Variants in CHD1 observed in about 807,000 individuals in gnomAD.
CHD1 encodes chromodomain helicase DNA binding protein 1.
CHD1 carries 36 observed loss-of-function variants against 224.2 expected under a neutral mutation model. The ratio of observed to expected loss-of-function variants is 0.16; its 90% CI spans 0.12 to 0.21. CHD1 has a LOEUF of 0.21. Among genes scored for constraint, CHD1 ranks in the 10% least tolerant of loss-of-function variants. CHD1 has a pLI of 1.00. For synonymous variants in CHD1, 668 were observed against 658.3 expected (o/e 1.01, Z -0.23); for missense variants, 1,378 against 1,994.8 (o/e 0.69, Z 5.89).
chr5:98,867,383 T>C (rs1356980170), intron 31 of CHD1, among the ~76,000 whole-genome samples: 2 of 152,204 alleles, frequency 1.3e-5, no homozygotes, highest in African/African-American at 2.4e-5. Context: ...TGCAACTTTA[T>C]AGCTACTGCA....
At chr5:98,898,179 C>T in intron 10 of CHD1, 77 bp downstream of exon 10, 1 of 806,152 alleles carries the variant, frequency 1.2e-6, no homozygotes, top group Non-Finnish European at 1.7e-6. Context: ...CAGGATCCAA[C>T]TCTTGTATTT....
In CHD1 at chr5:98,858,358, C is replaced by T. The variant is rs144459308; in HGVS notation, c.4609G>A (p.Asp1537Asn). The change falls in exon 35 of 36, where the codon GAT becomes AAT. Residue 1537 changes from aspartate to asparagine, a missense_variant. By Grantham distance (23) the Asp-to-Asn change is conservative (BLOSUM62 1). Transcript: ENST00000614616. ...VERLKENTNH[D>N]DSSRDSYSSD... Reference sequence around the variant, plus strand: ...GAATAACTGTCCCTGCTGCTATCATCGTGATTTGTATTCTCTTTTAATCTT... The same window carrying T: ...GAATAACTGTCCCTGCTGCTATCATTGTGATTTGTATTCTCTTTTAATCTT... The T allele has an allele frequency of 3.7e-5, 60 of 1,612,644 alleles. No individual in the cohort carries two copies. In the African/African-American group the frequency reaches 6.4e-4, roughly 17 times the overall value.
chr5:98,870,873 C>T, intron 28 of CHD1, 70 bp from the exon 29 acceptor site: 3 of 881,230 alleles, frequency 3.4e-6, no homozygotes, highest in South Asian at 3.1e-5. Flanking sequence ...CTAAAAAATG[C>T]TTAACCATTT....
At chr5:98,867,577 C>T (rs985634932) in intron 31 of CHD1, among the ~76,000 whole-genome samples, 3 of 148,488 alleles carry the variant, frequency 2.0e-5, no homozygotes, top group African/African-American at 7.9e-5. Context: ...TGTGTGTGTA[C>T]ATATTTATTT....
chr5:98,860,038 A>G lies in CHD1; in HGVS notation c.4458T>C (p.Thr1486=). ...TATGTAATTTTCTTGCATCAAATTC[A>G]GTAAACTTAGATACAAAAATCCACA... The part of the protein sequence containing the change: ...KNLWIFVSKF[T]EFDARKLHKL... Residue 1486 remains threonine (T), a synonymous_variant, in exon 33 of 36, where the codon ACT becomes ACC. Transcript: ENST00000614616. 6.4e-7 allele frequency: 1 copy of G among 1,563,968 alleles called. No homozygotes were observed. The highest frequency in any genetic ancestry group is 8.7e-7 in the Non-Finnish European group (1 of 1,147,674).
intron 2 of CHD1, 27 bp downstream of exon 2, chr5:98,926,307 A>G (rs775344275): frequency 7.2e-7 from 1 of 1,389,812 alleles, no homozygotes. Context: ...TTCATAGTAA[A>G]CAATTGATAA....
chr5:98,858,552 T>G (rs1748221077), intron 34 of CHD1, 162 bp from the exon 35 acceptor site: 1 of 576,428 alleles, frequency 1.7e-6, no homozygotes, highest in Admixed American at 3.1e-5. Context: ...AAAGCAGTAC[T>G]AAGGATTAAT....
intron 2 of CHD1, among the ~76,000 whole-genome samples, chr5:98,916,049 A>C (rs937863211): frequency 1.3e-5 from 2 of 152,018 alleles, no homozygotes; most frequent in African/African-American, 4.8e-5. Flanking sequence ...AAAATTAGCC[A>C]GGCATGGTGG....
At chr5:98,875,934 A>G (rs569783859) in intron 24 of CHD1, among the ~76,000 whole-genome samples, 1 of 152,302 alleles carries the variant, frequency 6.6e-6, no homozygotes, top group East Asian at 1.9e-4. Flanking sequence ...TGCCTGGCCA[A>G]TCTTACCTCA....
intron 5 of CHD1, 60 bp from the exon 6 acceptor site, chr5:98,901,395 A>G: frequency 7.4e-7 from 1 of 1,349,656 alleles, no homozygotes; most frequent in East Asian, 2.4e-5. Context: ...TTTATCCCTA[A>G]TACAAAGATG....
intron 18 of CHD1, among the ~76,000 whole-genome samples, chr5:98,884,792 C>T (rs183541114): frequency 1.4e-4 from 21 of 151,764 alleles, no homozygotes; most frequent in African/African-American, 4.8e-4. Context: ...TCATGGCTCA[C>T]CGCAGCCTCA....
chr5:98,926,579 A>G (rs1753469740), intron 1 of CHD1, 45 bp from the exon 2 acceptor site: 3 of 385,616 alleles, frequency 7.8e-6, no homozygotes, highest in Non-Finnish European at 1.4e-5. Context: ...CCTGCAGAAA[A>G]AAGGTAAATT....
intron 4 of CHD1, 128 bp downstream of exon 4, chr5:98,903,664 T>C (rs1168016063): frequency 2.6e-6 from 2 of 762,602 alleles, no homozygotes; most frequent in Non-Finnish European, 4.6e-6. Context: ...ATTCTTGATA[T>C]ATACACTTAA....
rs1452136436 is a variant in CHD1 at position 98,900,941 on chromosome 5, C to G, written c.729G>C (p.Lys243Asn). 2.5e-6 allele frequency: 4 copies of G among 1,613,898 alleles called. No individual in the cohort carries two copies. Among genetic ancestry groups the G allele is most frequent in the Non-Finnish European group, 3.4e-6 (4 of 1,179,990 alleles). The change falls in exon 7 of 36, where the codon AAG (lysine) becomes AAC (asparagine). Residue 243 changes from lysine to asparagine, a missense_variant. This residue lies in a region of CHD1 where 306 missense variants were observed against 298.1 expected (regional missense o/e 1.03). Transcript: ENST00000614616. ...RRQATVNVSY[K>N]EDEEMKTDSD... ...AATCTGTTTTCATTTCTTCATCCTCCTTATAGCTAACATTAACAGTTGCTT... is the reference window on the plus strand; with the variant it reads ...AATCTGTTTTCATTTCTTCATCCTCGTTATAGCTAACATTAACAGTTGCTT...
chr5:98,927,425 C>G (rs1753544863), intron 1 of CHD1, among the ~76,000 whole-genome samples: 1 of 152,050 alleles, frequency 6.6e-6, no homozygotes, highest in Non-Finnish European at 1.5e-5. Flanking sequence ...CAGAGCTGTC[C>G]TCCGACCTCA....
chr5:98,911,146 AATATAT>A (rs1158932549), intron 2 of CHD1, among the ~76,000 whole-genome samples: 33 of 39,122 alleles, frequency 8.4e-4, no homozygotes, highest in African/African-American at 1.4e-3. Flanking sequence ...AAAAAAAAAA[AATATAT>A]ATATATATAT....
At chr5:98,885,262 C>G (rs1314860384) in intron 18 of CHD1, among the ~76,000 whole-genome samples, 1 of 152,046 alleles carries the variant, frequency 6.6e-6, no homozygotes, top group African/African-American at 2.4e-5. Context: ...CACAGTGGCA[C>G]GCGCCTGTAA....
chr5:98,900,927 A>C lies in CHD1; in HGVS notation c.743T>G (p.Met248Arg). 1 of 1,614,020 alleles carries C rather than the reference A, an allele frequency of 6.2e-7. No homozygotes were observed. Among genetic ancestry groups the C allele is most frequent in the Non-Finnish European group, 8.5e-7 (1 of 1,179,994 alleles). ...CAGTAGGTCATCAGAATCTGTTTTC[A>C]TTTCTTCATCCTCCTTATAGCTAAC... ...VNVSYKEDEEMKTDSDDLLEV... is the reference protein window; with the variant it reads ...VNVSYKEDEERKTDSDDLLEV... The change falls in exon 7 of 36, where the codon ATG becomes AGG. Residue 248 changes from methionine to arginine, a missense_variant. By Grantham distance (91) the Met-to-Arg change is moderately conservative. This residue lies in a region of CHD1 where 306 missense variants were observed against 298.1 expected (regional missense o/e 1.03). Coordinates refer to ENST00000614616, the MANE Select transcript of CHD1 (RefSeq NM_001270.4).
At chr5:98,877,457 C>G (rs1021527313) in intron 23 of CHD1, among the ~76,000 whole-genome samples, 2 of 152,080 alleles carry the variant, frequency 1.3e-5, no homozygotes, top group East Asian at 1.9e-4. Flanking sequence ...TGCTTAATAT[C>G]CACATATTGC....
Sources: allele counts gnomAD v4.1 joint callset (sites outside exome capture counted in the v4.1 genomes callset), GRCh38; gene constraint gnomAD v4.1.1; regional missense constraint gnomAD v4.1.1; transcripts MANE v1.5; gene names NCBI Gene and HGNC (gene_info 2026-07-23, HGNC 2026-07-21).